The following ZNF606 variants were observed in gnomAD, a reference collection of about 807,000 sequenced individuals.
The protein encoded by ZNF606 is zinc finger protein 328.
Under a neutral mutation model 74.9 loss-of-function variants are expected in ZNF606, and 37 were observed. That is an observed-to-expected ratio of 0.49 (90% CI 0.38 to 0.65). The LOEUF (loss-of-function observed/expected upper bound fraction) is 0.65. Among genes scored for constraint, ZNF606 ranks in the 30% least tolerant of loss-of-function variants. The pLI, the probability that ZNF606 is intolerant of heterozygous loss-of-function variation, is 0.00. For synonymous variants in ZNF606, 328 were observed against 312.4 expected (o/e 1.05, Z -0.53); for missense variants, 852 against 952.9 (o/e 0.89, Z 1.39).
Position 57,990,101 on chromosome 19 carries a change from G to A in ZNF606, c.178-1380C>T, listed in dbSNP as rs184584344. 3.6e-3 allele frequency among the ~76,000 whole-genome samples: 490 copies of A among 136,358 alleles called. 1 individual carries two copies. The highest frequency in any genetic ancestry group is 0.024 in the Middle Eastern group (5 of 212). 89.5% of individuals were successfully genotyped at this position (136,358 alleles called of 152,430 possible). On this transcript the variant is annotated intron_variant, in intron 4 of 6. Coordinates refer to ENST00000551380, the MANE Select transcript of ZNF606 (RefSeq NM_001348022.3). ...AAAAGAGCCGGGCGCAGTGGCTCAC[G>A]CCGGTAATCCCAGCACTTTGGGAGG...
intron 6 of ZNF606, among the ~76,000 whole-genome samples, chr19:57,981,189 A>G (rs1348661887): frequency 6.6e-6 from 1 of 152,316 alleles, no homozygotes; most frequent in East Asian, 1.9e-4. Context: ...GTTTCCTAGT[A>G]GAAATTTCGC....
upstream of ZNF606, chr19:58,003,128 G>A (rs981917538): frequency 2.4e-6 from 1 of 422,048 alleles, no homozygotes; most frequent in African/African-American, 2.0e-5. Context: ...GAGGAGCTCG[G>A]CGAGTTCTCA....
chr19:57,982,391 T>C (rs1250320787), intron 6 of ZNF606, among the ~76,000 whole-genome samples: 2 of 152,170 alleles, frequency 1.3e-5, no homozygotes, highest in African/African-American at 4.8e-5. Flanking sequence ...CAATCCAGGA[T>C]AATCTCCCCA....
chr19:58,002,694 C>A lies in ZNF606; in HGVS notation c.-350G>T, dbSNP rs1227866701. 8.8e-6 allele frequency: 4 copies of A among 454,204 alleles called. No homozygotes were observed. The highest frequency in any genetic ancestry group is 8.1e-5 in the African/African-American group (4 of 49,676). 28.1% of individuals were successfully genotyped at this position (454,204 alleles called of 1,614,324 possible). On this transcript the variant is annotated 5_prime_UTR_variant, in exon 1 of 7. Coordinates refer to ENST00000551380, the MANE Select transcript of ZNF606 (RefSeq NM_001348022.3). ...GCGGAAAGGGCAGGCGCAGGACCCACCCTGACGCCGCCTCTCCCAGCCGGC... is the reference window on the plus strand; with the variant it reads ...GCGGAAAGGGCAGGCGCAGGACCCAACCTGACGCCGCCTCTCCCAGCCGGC...
chr19:58,001,264 C>G, intron 2 of ZNF606, 25 bp downstream of exon 2: 1 of 1,610,736 alleles, frequency 6.2e-7, no homozygotes, highest in Non-Finnish European at 8.5e-7. Flanking sequence ...AGGGGAGGCC[C>G]AGGAGAAACA....
intron 6 of ZNF606, among the ~76,000 whole-genome samples, chr19:57,983,247 G>C (rs1451179065): frequency 6.6e-6 from 1 of 152,242 alleles, no homozygotes; most frequent in East Asian, 1.9e-4. Context: ...TATGTGAAGA[G>C]AGATCCTACC....
At position 57,979,561 on chromosome 19, in the gene ZNF606, T is replaced by C. The variant is rs75971696; in HGVS notation, c.1119A>G (p.Lys373=). ...CAAAGACTTTCTCCCATTCATTGTA[T>C]TTATACGCTTTCTCTACAGTACCAA... ...QKIGTVEKAY[K]YNEWEKVFGY... The change falls in exon 7 of 7, where the codon AAA becomes AAG. Residue 373 remains lysine, a synonymous_variant. Transcript: ENST00000551380. 130,546 of 1,613,172 alleles carry C rather than the reference T, an allele frequency of 0.081. 6,041 individuals carry two copies. The highest frequency in any genetic ancestry group is 0.1 in the Middle Eastern group (607 of 6,058).
Position 57,999,913 on chromosome 19 carries a change from A to G in ZNF606, c.89-17T>C, listed in dbSNP as rs370531487. 8.1e-5 allele frequency: 130 copies of G among 1,612,146 alleles called. No individual in the cohort carries two copies. The African/African-American group carries it at 1.4e-3, about 17-fold the overall frequency. On this transcript the variant is annotated splice_polypyrimidine_tract_variant and intron_variant, in intron 3 of 6. Coordinates refer to ENST00000551380, the MANE Select transcript of ZNF606 (RefSeq NM_001348022.3). Reference sequence around the variant, plus strand: ...GACACAGAGCTAGGAAACGAGAAAAAAGTCATGGAGGCAGCTCTCGCTGCC... The same window carrying G: ...GACACAGAGCTAGGAAACGAGAAAAGAGTCATGGAGGCAGCTCTCGCTGCC...
chr19:57,991,528 G>T (rs1048895935), intron 4 of ZNF606, among the ~76,000 whole-genome samples: 4 of 152,156 alleles, frequency 2.6e-5, no homozygotes, highest in Admixed American at 2.6e-4. Context: ...ATGGAGTTGG[G>T]AGTGGTGGCT....
At chr19:57,994,654 T>C (rs1257948397) in intron 4 of ZNF606, among the ~76,000 whole-genome samples, 4 of 151,712 alleles carry the variant, frequency 2.6e-5, no homozygotes, top group Non-Finnish European at 5.9e-5. Flanking sequence ...GAGAAGGAAA[T>C]ACAGATGGCC....
chr19:57,989,744 G>C (rs67062683), intron 4 of ZNF606, among the ~76,000 whole-genome samples: 33,961 of 151,276 alleles, frequency 0.22, 3,896 homozygotes, highest in Non-Finnish European at 0.24. Flanking sequence ...ACTGCACCCA[G>C]CTTCGAGTCC....
rs2073003574 is a variant in ZNF606, at chr19:57,977,210, C to T, written c.*1091G>A. The T allele has an allele frequency of 6.6e-6, 1 of 152,198 alleles. No individual in the cohort carries two copies. Among genetic ancestry groups the T allele is most frequent in the Admixed American group, 6.5e-5 (1 of 15,284 alleles). 9.4% of individuals were successfully genotyped at this position (152,198 alleles called of 1,614,324 possible). A position where few individuals can be genotyped will look rare whatever the true frequency, so the allele number is the denominator to read the frequency against. On this transcript the variant is annotated 3_prime_UTR_variant, in exon 7 of 7. Coordinates refer to ENST00000551380, the MANE Select transcript of ZNF606 (RefSeq NM_001348022.3). ...ACAAGAACTCTGGAGCCAATCTCAG[C>T]TCTACTCCCTTACTAGTTGTGCCCC... is the stretch of plus-strand genomic sequence containing the variant.
intron 6 of ZNF606, among the ~76,000 whole-genome samples, chr19:57,984,079 T>C (rs1018629311): frequency 6.6e-5 from 10 of 152,162 alleles, no homozygotes; most frequent in Non-Finnish European, 1.5e-4. Flanking sequence ...AGAGTGATGA[T>C]GGAAGCTGAA....
intron 6 of ZNF606, among the ~76,000 whole-genome samples, chr19:57,982,443 G>C (rs1158843437): frequency 1.3e-5 from 2 of 152,122 alleles, no homozygotes; most frequent in African/African-American, 4.8e-5. Flanking sequence ...GGTCCCTTTT[G>C]CCATACAAGG....
chr19:57,986,991 G>A (rs1179536998), intron 6 of ZNF606, among the ~76,000 whole-genome samples: 7 of 152,102 alleles, frequency 4.6e-5, no homozygotes, highest in African/African-American at 1.7e-4. Context: ...CTAGGAGGCT[G>A]AGGTGGGAGG....
At chr19:58,000,218 C>A in intron 3 of ZNF606, 1 of 446,066 alleles carries the variant, frequency 2.2e-6, no homozygotes, top group Non-Finnish European at 3.9e-6. Context: ...CCTTACTGCT[C>A]ACTGGTTTTC....
chr19:57,988,877 G>A (rs527578816), intron 4 of ZNF606, among the ~76,000 whole-genome samples, 156 bp from the exon 5 acceptor site: 2 of 152,248 alleles, frequency 1.3e-5, no homozygotes, highest in South Asian at 2.1e-4. Flanking sequence ...AGGTCTCATT[G>A]AGAACCACCC....
chr19:57,989,776 G>A (rs1177611306), intron 4 of ZNF606, among the ~76,000 whole-genome samples: 1 of 151,658 alleles, frequency 6.6e-6, no homozygotes, highest in African/African-American at 2.4e-5. Context: ...CAACTCGCCA[G>A]GCACAGTGAC....
intron 1 of ZNF606, chr19:58,001,949 TGGA>T (rs1033373314): frequency 2.9e-6 from 1 of 347,628 alleles, no homozygotes; most frequent in African/African-American, 2.1e-5. Flanking sequence ...TGTGTGTGTG[TGGA>T]GGACTTAGAG....
Sources: gnomAD v4.1 joint callset for allele counts (sites outside exome capture counted in the v4.1 genomes callset) on GRCh38, gnomAD v4.1.1 for gene constraint, MANE v1.5 for transcripts, NCBI Gene and HGNC (gene_info 2026-07-23, HGNC 2026-07-21) for gene names.